Variants in MANBA observed in about 807,000 individuals in gnomAD.
MANBA encodes the protein beta-mannosidase.
MANBA carries 83 observed loss-of-function variants against 111.1 expected under a neutral mutation model. That is an observed-to-expected ratio of 0.75 (90% CI 0.63 to 0.90). The LOEUF is 0.90. Among genes scored for constraint, MANBA ranks in the 40% least tolerant of loss-of-function variants. The probability of loss-of-function intolerance (pLI) is 0.00; values close to 1 mark genes in which losing one functional copy is unlikely to be tolerated. For missense variants in MANBA, 1,036 were observed against 1,069.0 expected, an observed-to-expected ratio of 0.97 and a Z score of 0.43; for synonymous variants, 370 against 378.7, an observed-to-expected ratio of 0.98 and a Z score of 0.27.
At chr4:102,657,553 C>G in intron 12 of MANBA, 129 bp downstream of exon 12, 1 of 779,270 alleles carries the variant, frequency 1.3e-6, no homozygotes. Context: ...TTATTTTCCT[C>G]CATCTTCTTC....
In MANBA at chr4:102,639,823, T is replaced by C. The variant is rs151080837; in HGVS notation, c.1904A>G (p.Glu635Gly). ...CTCGCTGCGACTACGGCGGTAGAATTCAGTTTCTGTTTTGACACACTGGGC... is the reference window on the plus strand; with the variant it reads ...CTCGCTGCGACTACGGCGGTAGAATCCAGTTTCTGTTTTGACACACTGGGC... ...MQAQCVKTET[E>G]FYRRSRSEIV... Residue 635 changes from glutamate (E) to glycine (G), a missense_variant, in exon 14 of 17, where the codon GAA becomes GGA. Transcript: ENST00000647097. 15 of 1,614,020 alleles carry C rather than the reference T, an allele frequency of 9.3e-6. No homozygotes were observed. The highest frequency in any genetic ancestry group is 1.3e-5 in the Non-Finnish European group (15 of 1,180,010).
At chr4:102,661,395 G>A (rs1730946690) in intron 11 of MANBA, among the ~76,000 whole-genome samples, 1 of 152,126 alleles carries the variant, frequency 6.6e-6, no homozygotes, top group African/African-American at 2.4e-5. Context: ...GCTCCACAAA[G>A]ATAAGAGTGT....
chr4:102,733,281 C>T (rs1015115567), intron 1 of MANBA, among the ~76,000 whole-genome samples: 14 of 152,022 alleles, frequency 9.2e-5, no homozygotes, highest in Non-Finnish European at 1.2e-4. Context: ...GAGGTAGATC[C>T]ACAAACAGGG....
At chr4:102,668,778 T>C (rs1731343833) in intron 10 of MANBA, 185 bp downstream of exon 10, 1 of 589,952 alleles carries the variant, frequency 1.7e-6, no homozygotes, top group African/African-American at 1.9e-5. Flanking sequence ...CTGGGAGTCA[T>C]CAGCCAATAG....
intron 5 of MANBA, among the ~76,000 whole-genome samples, chr4:102,710,545 T>C (rs1578926579): frequency 1.3e-5 from 2 of 152,280 alleles, no homozygotes; most frequent in African/African-American, 2.4e-5. Context: ...CCCATGCTCA[T>C]GGGTTGGAAG....
chr4:102,691,904 A>C (rs930079072), intron 5 of MANBA, among the ~76,000 whole-genome samples: 4 of 152,220 alleles, frequency 2.6e-5, no homozygotes, highest in African/African-American at 9.6e-5. Context: ...GGCACAGAGA[A>C]GCATGTGAAG....
intron 4 of MANBA, among the ~76,000 whole-genome samples, chr4:102,718,777 A>T (rs1333299941): frequency 1.3e-5 from 2 of 152,166 alleles, no homozygotes; most frequent in African/African-American, 4.8e-5. Flanking sequence ...AAAGAGTACA[A>T]AGAGAGAAAT....
At chr4:102,717,659 G>T (rs763873689) in intron 4 of MANBA, among the ~76,000 whole-genome samples, 8 of 152,140 alleles carry the variant, frequency 5.3e-5, no homozygotes, top group Non-Finnish European at 1.2e-4. Context: ...CTGCCAAAGT[G>T]CTGGGATTAC....
chr4:102,653,480 A>T (rs956312903), intron 12 of MANBA, among the ~76,000 whole-genome samples: 2 of 152,214 alleles, frequency 1.3e-5, no homozygotes, highest in African/African-American at 4.8e-5. Context: ...ATCCCAAATT[A>T]AAGAGATATG....
chr4:102,640,506 G>C (rs1003390950), intron 13 of MANBA, among the ~76,000 whole-genome samples: 1 of 152,166 alleles, frequency 6.6e-6, no homozygotes, highest in Non-Finnish European at 1.5e-5. Context: ...CAGGACCCTT[G>C]ATTACCGACA....
chr4:102,642,434 C>T (rs563340081), intron 13 of MANBA, among the ~76,000 whole-genome samples: 4 of 152,158 alleles, frequency 2.6e-5, no homozygotes, highest in Admixed American at 2.0e-4. Flanking sequence ...GGTGAAACCC[C>T]GTCTCTACTA....
intron 5 of MANBA, among the ~76,000 whole-genome samples, chr4:102,708,877 G>A (rs972002109): frequency 1.3e-5 from 2 of 151,562 alleles, no homozygotes; most frequent in African/African-American, 4.8e-5. Flanking sequence ...ATATATATAT[G>A]AGAAATGAGA....
At chr4:102,727,992 C>G in intron 1 of MANBA, 1 of 434,356 alleles carries the variant, frequency 2.3e-6, no homozygotes, top group East Asian at 5.6e-5. Flanking sequence ...TTTGCATTTT[C>G]TAAAACCAAA....
intron 1 of MANBA, among the ~76,000 whole-genome samples, chr4:102,757,714 C>G (rs568532442): frequency 3.9e-5 from 6 of 152,326 alleles, no homozygotes; most frequent in Non-Finnish European, 5.9e-5. Context: ...CTCCAGGCTT[C>G]CACTCTCCTG....
chr4:102,685,116 C>T (rs7691857), intron 7 of MANBA, among the ~76,000 whole-genome samples: 6,678 of 152,022 alleles, frequency 0.044, 476 homozygotes, highest in African/African-American at 0.15. Flanking sequence ...AGTGGATCTT[C>T]GGGAAGGAAA....
chr4:102,680,729 T>A (rs900755046), intron 7 of MANBA, among the ~76,000 whole-genome samples: 1 of 152,238 alleles, frequency 6.6e-6, no homozygotes, highest in Non-Finnish European at 1.5e-5. Flanking sequence ...ACTGGCCACA[T>A]ATGCAGCATC....
intron 1 of MANBA, among the ~76,000 whole-genome samples, chr4:102,744,500 T>C (rs4449418): frequency 0.034 from 5,211 of 152,342 alleles, 205 homozygotes; most frequent in African/African-American, 0.095. Flanking sequence ...CAAAGGTATA[T>C]TGCTGGCCTT....
chr4:102,657,546 T>C, intron 12 of MANBA, 136 bp downstream of exon 12: 1 of 751,258 alleles, frequency 1.3e-6, no homozygotes, highest in Non-Finnish European at 2.2e-6. Flanking sequence ...AAAAAAATTA[T>C]TTTCCTCCAT....
At position 102,722,070 on chromosome 4, in the gene MANBA, T is replaced by C. The variant is rs543178860; in HGVS notation, c.549+801A>G. ...AAAAAAGAGAAAGAAAAGAAAAGAG[T>C]AGAATGCTGGTTGCAAGGGGCTGGG... On this transcript the variant is annotated intron_variant, in intron 4 of 16. Transcript: ENST00000647097. 1.8e-4 allele frequency among the ~76,000 whole-genome samples: 24 copies of C among 135,248 alleles called. No individual in the cohort carries two copies. The South Asian group carries it at 5.7e-3, about 32-fold the overall frequency. The allele number at this position is 135,248 out of a possible 152,430, so 88.7% of individuals were successfully genotyped here.
Sources: gnomAD v4.1 joint callset for allele counts (sites outside exome capture counted in the v4.1 genomes callset) on GRCh38, gnomAD v4.1.1 for gene constraint, MANE v1.5 for transcripts, NCBI Gene and HGNC (gene_info 2026-07-23, HGNC 2026-07-21) for gene names.